The following TTLL13 variants were observed in gnomAD, a reference collection of about 807,000 sequenced individuals.
TTLL13 encodes the protein tubulin tyrosine ligase like 13, also known as tubulin polyglutamylase TTLL13.
At chr15:90,263,782 T>C in the TTLL13 span, 1 of 702,144 alleles carries the variant, frequency 1.4e-6, no homozygotes, top group Non-Finnish European at 2.6e-6. Context: ...AGAACTGAAA[T>C]CTATGAGTCT....
the TTLL13 span, among the ~76,000 whole-genome samples, chr15:90,254,919 A>T: frequency 6.6e-6 from 1 of 152,114 alleles, no homozygotes; most frequent in South Asian, 2.1e-4. Context: ...TGTACAACAG[A>T]CTCCGTGTTA....
the TTLL13 span, chr15:90,249,579 C>T: frequency 6.6e-6 from 1 of 152,288 alleles, no homozygotes; most frequent in Non-Finnish European, 1.5e-5. Flanking sequence ...CCCCGGCAGC[C>T]GCAGCCACGG....
chr15:90,251,580 G>A, the TTLL13 span: 1 of 1,613,950 alleles, frequency 6.2e-7, no homozygotes, highest in Non-Finnish European at 8.5e-7. Flanking sequence ...CTGACCAACT[G>A]CAAGTATGAG....
the TTLL13 span, chr15:90,262,810 T>C: frequency 8.2e-7 from 1 of 1,222,248 alleles, no homozygotes; most frequent in Non-Finnish European, 1.1e-6. Context: ...AATCCGATCC[T>C]TTGGAAGATG....
chr15:90,263,521 T>G, the TTLL13 span: 1 of 536,344 alleles, frequency 1.9e-6, no homozygotes, highest in Admixed American at 3.3e-5. Flanking sequence ...TAATGGGAGA[T>G]AAGTAAACAG....
chr15:90,260,702 T>G, the TTLL13 span, among the ~76,000 whole-genome samples: 3 of 151,196 alleles, frequency 2.0e-5, no homozygotes, highest in Non-Finnish European at 4.4e-5. Context: ...AATACAAAAA[T>G]TAGCTGGGCG....
the TTLL13 span, among the ~76,000 whole-genome samples, chr15:90,251,099 G>T: frequency 6.9e-6 from 1 of 144,734 alleles, no homozygotes; most frequent in South Asian, 2.2e-4. Context: ...GCCTGTTTAT[G>T]TCATCCTGGT....
chr15:90,259,356 C>T, the TTLL13 span, among the ~76,000 whole-genome samples: 3 of 151,802 alleles, frequency 2.0e-5, no homozygotes, highest in Non-Finnish European at 4.4e-5. Flanking sequence ...CACCACTGCA[C>T]TCCAGCCTGG....
the TTLL13 span, chr15:90,257,004 G>T: frequency 1.2e-6 from 1 of 854,432 alleles, no homozygotes. Context: ...TTTATTAAGT[G>T]GGAGTAATAA....
At chr15:90,253,341 C>T in the TTLL13 span, 15 of 1,613,064 alleles carry the variant, frequency 9.3e-6, no homozygotes, top group Admixed American at 3.3e-5. Context: ...CTCACTGGAA[C>T]GAGTCATGGA....
chr15:90,265,017 C>T, the TTLL13 span: 77 of 1,492,920 alleles, frequency 5.2e-5, no homozygotes, highest in Middle Eastern at 6.9e-4. Context: ...CCCAGGTTTC[C>T]AAAGGGCATT....
chr15:90,256,269 A>T, the TTLL13 span: 1 of 1,614,226 alleles, frequency 6.2e-7, no homozygotes, highest in South Asian at 1.1e-5. Flanking sequence ...CCAGGAGAGC[A>T]TATGATCTGC....
At chr15:90,253,275 C>G in the TTLL13 span, 1 of 1,613,938 alleles carries the variant, frequency 6.2e-7, no homozygotes, top group Non-Finnish European at 8.5e-7. Flanking sequence ...AATGTGTGGC[C>G]TGAAGGAGGT....
At chr15:90,260,322 C>A in the TTLL13 span, among the ~76,000 whole-genome samples, 23 of 151,858 alleles carry the variant, frequency 1.5e-4, no homozygotes, top group South Asian at 4.2e-4. Flanking sequence ...ACAGGCAAAA[C>A]CCTGTCTCTA....
the TTLL13 span, among the ~76,000 whole-genome samples, chr15:90,256,581 C>CT: frequency 2.8e-5 from 1 of 35,660 alleles, no homozygotes; most frequent in Non-Finnish European, 5.4e-5. Flanking sequence ...TTCTTTCTTT[C>CT]TTTCTTTCTT....
the TTLL13 span, among the ~76,000 whole-genome samples, chr15:90,252,880 G>A: frequency 5.6e-4 from 85 of 152,266 alleles, no homozygotes; most frequent in African/African-American, 1.9e-3. Context: ...GTGGGCGCCT[G>A]TAGTCCCAGC....
At chr15:90,250,978 T>C in the TTLL13 span, 105 of 1,500,368 alleles carry the variant, frequency 7.0e-5, no homozygotes, top group African/African-American at 1.4e-3. Flanking sequence ...GGATCTCAGA[T>C]CTTCCCTTTA....
At chr15:90,252,190 C>T in the TTLL13 span, among the ~76,000 whole-genome samples, 1 of 152,268 alleles carries the variant, frequency 6.6e-6, no homozygotes, top group South Asian at 2.1e-4. Context: ...CAGGCATGTG[C>T]CACCACATCT....
chr15:90,256,606 T>TTTCC, the TTLL13 span, among the ~76,000 whole-genome samples: 888 of 30,352 alleles, frequency 0.029, 16 homozygotes, highest in Admixed American at 0.045. Context: ...TCTTTCTTTC[T>TTTCC]TTCCTTCCTT....
Sources: gnomAD v4.1 joint callset for allele counts (sites outside exome capture counted in the v4.1 genomes callset) on GRCh38, gnomAD v4.1.1 for gene constraint, MANE v1.5 for transcripts, NCBI Gene and HGNC (gene_info 2026-07-23, HGNC 2026-07-21) for gene names.